Variants in CENPE observed in about 807,000 individuals in gnomAD.
CENPE encodes the protein centromere protein E, also known as centromere-associated protein E.
Under a neutral mutation model 336.1 loss-of-function variants are expected in CENPE, and 145 were observed. That is an observed-to-expected ratio of 0.43 (90% CI 0.38 to 0.50). The LOEUF is 0.50. Ranked by LOEUF, CENPE falls within the 20% of genes least tolerant of loss-of-function variation. The pLI is 0.00. For synonymous variants in CENPE, 1,013 were observed against 984.8 expected (o/e 1.03, Z -0.54); for missense variants, 2,719 against 3,023.3 (o/e 0.90, Z 2.36).
intron 16 of CENPE, among the ~76,000 whole-genome samples, chr4:103,166,994 C>A (rs1437844536): frequency 6.6e-6 from 1 of 152,044 alleles, no homozygotes; most frequent in Non-Finnish European, 1.5e-5. Flanking sequence ...ATATTTTATA[C>A]TTAGAAAATG....
chr4:103,143,169 G>C (rs1462206209), intron 34 of CENPE, 79 bp downstream of exon 34: 5 of 972,118 alleles, frequency 5.1e-6, no homozygotes, highest in Non-Finnish European at 7.5e-6. Flanking sequence ...TCAATTTTAG[G>C]GTAATTCATA....
rs192536928 is a variant in CENPE, at chr4:103,134,549, C to T, written c.6523-657G>A. Among the ~76,000 whole-genome samples, 789 of 144,750 alleles carry T rather than the reference C, an allele frequency of 5.5e-3. 7 individuals carry two copies. The highest frequency in any genetic ancestry group is 0.018 in the African/African-American group (721 of 39,236). The allele number at this position is 144,750 out of a possible 152,430, so 95.0% of individuals were successfully genotyped here. ...CTTGGAGGCTGTGGCAGGAGAATGG[C>T]GTGAACCCGGGAGGCGGAGCTTGCA... On this transcript the variant is annotated intron_variant, in intron 40 of 48. Coordinates refer to ENST00000265148, the MANE Select transcript of CENPE (RefSeq NM_001813.3).
intron 24 of CENPE, among the ~76,000 whole-genome samples, chr4:103,154,935 G>C (rs1313993955): frequency 1.3e-5 from 2 of 152,058 alleles, no homozygotes; most frequent in African/African-American, 4.8e-5. Context: ...CAGCTCTCTG[G>C]TGCCTAGATG....
chr4:103,136,113 A>G, intron 40 of CENPE, 28 bp downstream of exon 40: 2 of 1,551,138 alleles, frequency 1.3e-6, no homozygotes, highest in South Asian at 2.3e-5. Context: ...TGAAATATTT[A>G]AAAGGATATT....
In CENPE at chr4:103,161,876, T is replaced by C. The variant is rs568556099; in HGVS notation, c.1843-419A>G. ...AAAGACAAATGATCTAATAGAAAAA[T>C]AGAGAAATGATATGAACAAGAAACT... On this transcript the variant is annotated intron_variant, in intron 18 of 48. Coordinates refer to ENST00000265148, the MANE Select transcript of CENPE (RefSeq NM_001813.3). 7.9e-5 allele frequency among the ~76,000 whole-genome samples: 12 copies of C among 151,738 alleles called. No homozygotes were observed. The South Asian group carries it at 2.1e-3, about 26-fold the overall frequency.
chr4:103,133,680 T>A lies in CENPE; in HGVS notation c.6720+15A>T. On this transcript the variant is annotated intron_variant, in intron 41 of 48. Transcript: ENST00000265148. ...GGCTTAAAATCTAACTAAATCCATT[T>A]AAAATAAATTATACCTCAATATGTA... The A allele has an allele frequency of 6.6e-7, 1 of 1,515,584 alleles. No homozygotes were observed. Among genetic ancestry groups the A allele is most frequent in the African/African-American group, 1.4e-5 (1 of 72,294 alleles). 93.9% of individuals were successfully genotyped at this position (1,515,584 alleles called of 1,614,324 possible). A position where few individuals can be genotyped will look rare whatever the true frequency, so the allele number is the denominator to read the frequency against.
intron 28 of CENPE, among the ~76,000 whole-genome samples, chr4:103,148,373 T>A (rs566372766): frequency 1.3e-5 from 2 of 152,222 alleles, no homozygotes; most frequent in South Asian, 4.1e-4. Flanking sequence ...TCTCTTTCCA[T>A]GATAAATTAG....
chr4:103,191,841 A>G (rs937911340), intron 8 of CENPE, among the ~76,000 whole-genome samples: 5 of 152,174 alleles, frequency 3.3e-5, no homozygotes, highest in Non-Finnish European at 5.9e-5. Context: ...AAAAAAAAAG[A>G]GAACCTTGCA....
At chr4:103,189,265 A>G (rs1471490462) in intron 8 of CENPE, among the ~76,000 whole-genome samples, 1 of 151,996 alleles carries the variant, frequency 6.6e-6, no homozygotes. Context: ...AATACAAAAC[A>G]AGGGAATCCT....
At position 103,147,483 on chromosome 4, in the gene CENPE, T is replaced by G; in HGVS notation, c.4007A>C (p.Lys1336Thr). 1 of 1,614,114 alleles carries G rather than the reference T, an allele frequency of 6.2e-7. No homozygotes were observed. The highest frequency in any genetic ancestry group is 8.5e-7 in the Non-Finnish European group (1 of 1,180,020). ...TATCTCTTCCTGACTTTCTTGAAAT[T>G]TTTCATTCAACCTGAGCCTTTCCAT... ...IEMERLRLNE[K>T]FQESQEEIKS... The change falls in exon 29 of 49, where the codon AAA (lysine) becomes ACA (threonine). Residue 1336 changes from lysine (K) to threonine (T), a missense_variant. By Grantham distance (78) the Lys-to-Thr change is moderately conservative (BLOSUM62 -1). Coordinates refer to ENST00000265148, the MANE Select transcript of CENPE (RefSeq NM_001813.3).
chr4:103,113,244 A>G (rs950424654), intron 46 of CENPE, among the ~76,000 whole-genome samples: 1 of 140,994 alleles, frequency 7.1e-6, no homozygotes, highest in African/African-American at 2.6e-5. Flanking sequence ...ATATATACTT[A>G]TAAGTATATA....
Position 103,159,087 on chromosome 4 carries a change from T to C in CENPE, c.2524A>G (p.Arg842Gly), listed in dbSNP as rs1754205478. The C allele has an allele frequency of 7.0e-6, 11 of 1,572,974 alleles. No homozygotes were observed. Among genetic ancestry groups the C allele is most frequent in the Middle Eastern group, 1.7e-4 (1 of 5,852 alleles). Residue 842 changes from arginine to glycine, a missense_variant, in exon 22 of 49, where the codon AGA becomes GGA. Arg to Gly is a moderately radical substitution (Grantham distance 125, BLOSUM62 -2). Coordinates refer to ENST00000265148, the MANE Select transcript of CENPE (RefSeq NM_001813.3). ...KYKMVLEENE[R>G]MNQEIVNLSK... ...AGATTAACTATTTCCTGATTCATTCTCTCATTCTCCTCAAGGACCATCTTA... is the reference window on the plus strand; with the variant it reads ...AGATTAACTATTTCCTGATTCATTCCCTCATTCTCCTCAAGGACCATCTTA...
intron 42 of CENPE, among the ~76,000 whole-genome samples, chr4:103,126,919 C>G (rs1034714799): frequency 5.3e-5 from 8 of 151,670 alleles, no homozygotes; most frequent in Admixed American, 1.3e-4. Context: ...AAACAACATC[C>G]TAGAAGTGTG....
intron 8 of CENPE, among the ~76,000 whole-genome samples, chr4:103,190,945 GAAAA>G (rs577578830): frequency 7.7e-6 from 1 of 129,686 alleles, no homozygotes; most frequent in African/African-American, 2.8e-5. Flanking sequence ...AACAAATTTA[GAAAA>G]AAAAAAAACA....
chr4:103,126,486 C>T (rs996206470), intron 42 of CENPE, among the ~76,000 whole-genome samples: 2 of 152,120 alleles, frequency 1.3e-5, no homozygotes, highest in East Asian at 3.9e-4. Context: ...GGCCTATTTG[C>T]TACAGTTACT....
chr4:103,117,253 T>C (rs1750211561), intron 44 of CENPE, among the ~76,000 whole-genome samples: 1 of 152,240 alleles, frequency 6.6e-6, no homozygotes. Flanking sequence ...TTTTTCCCCA[T>C]ATTAACATCA....
At chr4:103,177,469 T>C (rs1268405067) in intron 13 of CENPE, among the ~76,000 whole-genome samples, 1 of 151,886 alleles carries the variant, frequency 6.6e-6, no homozygotes, top group African/African-American at 2.4e-5. Context: ...CTCATCTTAT[T>C]TGACTCTCTC....
chr4:103,188,755 A>T (rs887391443), intron 8 of CENPE, among the ~76,000 whole-genome samples: 2 of 152,204 alleles, frequency 1.3e-5, no homozygotes, highest in African/African-American at 4.8e-5. Context: ...GATCAAACAC[A>T]TTCAAAAGCT....
Position 103,138,744 on chromosome 4 carries a change from C to T in CENPE, c.6205-295G>A, listed in dbSNP as rs192706841. Among the ~76,000 whole-genome samples the T allele has an allele frequency of 1.8e-3, 281 of 152,226 alleles. 2 individuals are homozygous for T. The highest frequency in any genetic ancestry group is 6.2e-3 in the African/African-American group (257 of 41,528). On this transcript the variant is annotated intron_variant, in intron 38 of 48. Transcript: ENST00000265148. Reference sequence around the variant, plus strand: ...TAGGGCCAGGCATGGTAGCTCACGCCTGTAATCCTAGCACTTTAGGAGATC... The same window carrying T: ...TAGGGCCAGGCATGGTAGCTCACGCTTGTAATCCTAGCACTTTAGGAGATC...
Sources: allele counts gnomAD v4.1 joint callset (sites outside exome capture counted in the v4.1 genomes callset), GRCh38; gene constraint gnomAD v4.1.1; transcripts MANE v1.5; gene names NCBI Gene and HGNC (gene_info 2026-07-23, HGNC 2026-07-21).